RFC1: variants seen among roughly 807,000 people sequenced by gnomAD.
The protein encoded by RFC1 is A1 140 kDa subunit.
In RFC1, 37 loss-of-function variants were observed where a neutral mutation model predicts 137.4. The ratio of observed to expected loss-of-function variants is 0.27; its 90% confidence interval spans 0.21 to 0.35. The LOEUF (loss-of-function observed/expected upper bound fraction) is 0.35. RFC1 is among the 10% of genes least tolerant of loss of function. The pLI, the probability that RFC1 is intolerant of heterozygous loss-of-function variation, is 1.00. For synonymous variants in RFC1, 429 were observed against 455.7 expected, an observed-to-expected ratio of 0.94 and a Z score of 0.75; for missense variants, 1,205 against 1,358.5, an observed-to-expected ratio of 0.89 and a Z score of 1.78.
chr4:39,313,057 G>A, intron 10 of RFC1, 126 bp from the exon 11 acceptor site: 1 of 786,126 alleles, frequency 1.3e-6, no homozygotes, highest in Non-Finnish European at 2.0e-6. Context: ...GGCATGGAAA[G>A]TTTGCTGGAA....
At chr4:39,353,304 G>A (rs1284649330) in intron 1 of RFC1, among the ~76,000 whole-genome samples, 5 of 145,156 alleles carry the variant, frequency 3.4e-5, no homozygotes, top group Non-Finnish European at 5.9e-5. Context: ...GAAGACTGGA[G>A]CACGAGAATC....
chr4:39,291,949 C>T, intron 22 of RFC1, 97 bp from the exon 23 acceptor site: 1 of 867,996 alleles, frequency 1.2e-6, no homozygotes, highest in African/African-American at 1.7e-5. Context: ...GAGTTCAATC[C>T]AATTTCAATA....
At chr4:39,354,749 C>CA (rs34342477) in intron 1 of RFC1, among the ~76,000 whole-genome samples, 1,404 of 50,406 alleles carry the variant, frequency 0.028, 26 homozygotes, top group African/African-American at 0.052. Context: ...GAAACTATCT[C>CA]AAAAAAAAAA....
intron 1 of RFC1, among the ~76,000 whole-genome samples, chr4:39,364,144 G>A (rs1741903511): frequency 6.7e-6 from 1 of 149,854 alleles, no homozygotes; most frequent in Non-Finnish European, 1.5e-5. Flanking sequence ...GTGTGTATAT[G>A]CCCATATGCA....
rs752260406 is a variant in RFC1 at position 39,290,023 on chromosome 4, G to A, written c.3185C>T (p.Thr1062Ile). ...GTGGGCTTCCTTATTGTAAGCTCTT[G>A]TGAAGGCTGCTTTCACCTATATGAA... ...KLDPKVKAAF[T>I]RAYNKEAHLT... Residue 1062 changes from threonine to isoleucine, a missense_variant, in exon 24 of 25, where the codon ACA becomes ATA. Around this residue, in one of 3 missense-constraint regions of RFC1, gnomAD observed 237 missense variants for 304.2 expected, o/e 0.78. Transcript: ENST00000349703. The A allele has an allele frequency of 2.5e-6, 4 of 1,612,448 alleles. No individual in the cohort carries two copies. The South Asian group carries it at 4.4e-5, about 18-fold the overall frequency.
chr4:39,316,896 G>A lies in RFC1; in HGVS notation c.1203+19C>T. On this transcript the variant is annotated intron_variant, in intron 10 of 24. Coordinates refer to ENST00000349703, the MANE Select transcript of RFC1 (RefSeq NM_002913.5). Reference sequence around the variant, plus strand: ...GGCAGAGGCCCTCACAGAATGGCATGCCCTCTCAGTACTCTTACCTTTGGT... The same window carrying A: ...GGCAGAGGCCCTCACAGAATGGCATACCCTCTCAGTACTCTTACCTTTGGT... 6.6e-7 allele frequency: 1 copy of A among 1,504,752 alleles called. No homozygotes were observed. The highest frequency in any genetic ancestry group is 1.4e-5 in the African/African-American group (1 of 72,714). 93.2% of individuals were successfully genotyped at this position (1,504,752 alleles called of 1,614,324 possible). A position where few individuals can be genotyped will look rare whatever the true frequency, so the allele number is the denominator to read the frequency against.
In RFC1 at chr4:39,300,298, G is replaced by A. The variant is rs35494728; in HGVS notation, c.2652C>T (p.Val884=). ...FHDYSIAPLF[V]QENYIHVKPV... ...GCTTCACGTGTATGTAATTTTCCTG[G>A]ACGAAGAGGGGTGCTATTGAATAAT... Residue 884 remains valine, a synonymous_variant, in exon 20 of 25, where the codon GTC becomes GTT. Transcript: ENST00000349703. The A allele has an allele frequency of 6.2e-7, 1 of 1,614,016 alleles. No homozygotes were observed. Among genetic ancestry groups the A allele is most frequent in the Non-Finnish European group, 8.5e-7 (1 of 1,180,014 alleles).
chr4:39,296,587 AT>A (rs1394572285), intron 21 of RFC1, among the ~76,000 whole-genome samples: 1 of 151,084 alleles, frequency 6.6e-6, no homozygotes, highest in Non-Finnish European at 1.5e-5. Flanking sequence ...TGAACTCATC[AT>A]TTTTGATGGC....
chr4:39,366,235 T>C lies in RFC1; in HGVS notation c.3+4A>G. ...GAGCCGCACGGCCTCCCCCAGCGGC[T>C]CACCATCGCAGCCCCAGGATGAAGG... On this transcript the variant is annotated splice_donor_region_variant and intron_variant, in intron 1 of 24. Transcript: ENST00000349703. The C allele has an allele frequency of 6.4e-7, 1 of 1,551,328 alleles. No individual in the cohort carries two copies. The highest frequency in any genetic ancestry group is 2.5e-5 in the East Asian group (1 of 40,430).
intron 12 of RFC1, among the ~76,000 whole-genome samples, chr4:39,309,943 T>C (rs555353871): frequency 1.2e-4 from 19 of 152,314 alleles, no homozygotes; most frequent in African/African-American, 4.1e-4. Context: ...AAGACAGTTA[T>C]CGATTACAAA....
At chr4:39,307,855 A>T (rs1044613068) in intron 13 of RFC1, among the ~76,000 whole-genome samples, 1 of 152,236 alleles carries the variant, frequency 6.6e-6, no homozygotes, top group Non-Finnish European at 1.5e-5. Context: ...TATCATTACA[A>T]TATATTATTT....
At chr4:39,293,769 G>A (rs1427788422) in intron 22 of RFC1, among the ~76,000 whole-genome samples, 1 of 152,114 alleles carries the variant, frequency 6.6e-6, no homozygotes, top group Admixed American at 6.6e-5. Flanking sequence ...AATCTACATG[G>A]AGTCTAGCGG....
intron 12 of RFC1, among the ~76,000 whole-genome samples, chr4:39,309,479 T>C (rs1288024892): frequency 6.6e-6 from 1 of 152,130 alleles, no homozygotes; most frequent in Non-Finnish European, 1.5e-5. Flanking sequence ...CACAATGAAA[T>C]ATTATTTACC....
intron 1 of RFC1, among the ~76,000 whole-genome samples, chr4:39,359,931 T>C (rs4975009): frequency 0.33 from 49,591 of 151,490 alleles, 8,295 homozygotes; most frequent in Non-Finnish European, 0.35. Context: ...ACTACTTGGG[T>C]GATGGGTGCA....
Position 39,295,859 on chromosome 4 carries a change from A to G in RFC1, c.2809-100T>C, listed in dbSNP as rs17288687. 689 of 1,106,916 alleles carry G rather than the reference A, an allele frequency of 6.2e-4. 3 individuals are homozygous for G. The African/African-American group carries it at 9.5e-3, about 15-fold the overall frequency. 68.6% of individuals were successfully genotyped at this position (1,106,916 alleles called of 1,614,324 possible). ...AACAGTCTACGGAAGATAAAGCAAC[A>G]CTGTACCAAATACCTACCTACAGGG... On this transcript the variant is annotated intron_variant, in intron 21 of 24. Coordinates refer to ENST00000349703, the MANE Select transcript of RFC1 (RefSeq NM_002913.5).
At chr4:39,316,842 T>C (rs1352059543) in intron 10 of RFC1, 73 bp downstream of exon 10, 1 of 843,768 alleles carries the variant, frequency 1.2e-6, no homozygotes, top group East Asian at 2.5e-5. Flanking sequence ...GCTGCTATAA[T>C]CATCGTGAAT....
At chr4:39,291,181 A>C (rs1249004261) in intron 23 of RFC1, among the ~76,000 whole-genome samples, 1 of 152,214 alleles carries the variant, frequency 6.6e-6, no homozygotes, top group African/African-American at 2.4e-5. Flanking sequence ...AAGTGGGGAT[A>C]CATTATTACA....
intron 11 of RFC1, 61 bp from the exon 12 acceptor site, chr4:39,311,610 T>C (rs1158093162): frequency 7.7e-7 from 1 of 1,299,420 alleles, no homozygotes; most frequent in Admixed American, 2.5e-5. Context: ...TCCCTTCTCT[T>C]ACAAAAAAAA....
chr4:39,308,192 G>A (rs952501447), intron 13 of RFC1, among the ~76,000 whole-genome samples: 10 of 152,118 alleles, frequency 6.6e-5, no homozygotes, highest in African/African-American at 1.9e-4. Flanking sequence ...GGGTCTTGCT[G>A]TCACATGGCT....
Sources: allele counts gnomAD v4.1 joint callset (sites outside exome capture counted in the v4.1 genomes callset), GRCh38; gene constraint gnomAD v4.1.1; regional missense constraint gnomAD v4.1.1; transcripts MANE v1.5; gene names NCBI Gene and HGNC (gene_info 2026-07-23, HGNC 2026-07-21).